The following ASAP1 variants were observed in gnomAD, a reference collection of about 807,000 sequenced individuals.
ASAP1 encodes ArfGAP with SH3 domain, ankyrin repeat and PH domain 1, also known as arf-GAP with SH3 domain, ANK repeat and PH domain-containing protein 1.
A neutral mutation model predicts 145.2 loss-of-function variants in ASAP1; 43 were observed. The observed-to-expected ratio is 0.30, with a 90% CI of 0.23 to 0.38. The LOEUF (loss-of-function observed/expected upper bound fraction) is 0.38, where lower values mean the gene tolerates loss of function less well. ASAP1 is among the 10% of genes least tolerant of loss of function. The pLI is 1.00. For missense variants in ASAP1, 1,018 were observed against 1,355.3 expected (o/e 0.75, Z 3.91); for synonymous variants, 546 against 515.5 (o/e 1.06, Z -0.80).
intron 24 of ASAP1, among the ~76,000 whole-genome samples, chr8:130,097,323 G>T (rs1238633871): frequency 6.6e-6 from 1 of 151,834 alleles, no homozygotes. Context: ...CACCTGCCCT[G>T]TTCTCCAGGG....
chr8:130,408,205 C>T (rs1312047359), intron 1 of ASAP1, among the ~76,000 whole-genome samples: 1 of 152,194 alleles, frequency 6.6e-6, no homozygotes, highest in East Asian at 1.9e-4. Context: ...GTCAACTTGA[C>T]TGGGCTAAAG....
At chr8:130,325,714 G>T (rs1824282169) in intron 3 of ASAP1, among the ~76,000 whole-genome samples, 1 of 152,146 alleles carries the variant, frequency 6.6e-6, no homozygotes, top group South Asian at 2.1e-4. Flanking sequence ...ATGCTGAAAT[G>T]CCAAGTGACT....
Position 130,214,604 on chromosome 8 carries a change from G to C in ASAP1, c.357C>G (p.Val119=), listed in dbSNP as rs1816781057. The part of the protein sequence containing the change: ...RDNPDLGTAF[V]KFSTLTKELS... ...GTTCCTTTGTAAGAGTAGAAAACTT[G>C]ACAAACGCGGTGCCAAGGTCGGGGT... Residue 119 remains valine, a synonymous_variant, in exon 5 of 30, where the codon GTC becomes GTG. Coordinates refer to ENST00000518721, the MANE Select transcript of ASAP1 (RefSeq NM_018482.4). The C allele has an allele frequency of 6.2e-7, 1 of 1,613,006 alleles. No individual in the cohort carries two copies. The highest frequency in any genetic ancestry group is 8.5e-7 in the Non-Finnish European group (1 of 1,179,556).
At chr8:130,265,410 A>G (rs1233666523) in intron 3 of ASAP1, among the ~76,000 whole-genome samples, 1 of 151,410 alleles carries the variant, frequency 6.6e-6, no homozygotes, top group African/African-American at 2.4e-5. Flanking sequence ...ATCTCAACTA[A>G]AATTTTTAAA....
At chr8:130,341,854 C>G (rs1825403410) in intron 3 of ASAP1, among the ~76,000 whole-genome samples, 1 of 152,136 alleles carries the variant, frequency 6.6e-6, no homozygotes, top group South Asian at 2.1e-4. Flanking sequence ...GGTAAAAGAG[C>G]AGCAAGAAAC....
chr8:130,244,485 A>G (rs1818729085), intron 3 of ASAP1, among the ~76,000 whole-genome samples: 1 of 152,170 alleles, frequency 6.6e-6, no homozygotes, highest in South Asian at 2.1e-4. Flanking sequence ...CTGAAAGGGT[A>G]AGTGGAGTGG....
intron 1 of ASAP1, among the ~76,000 whole-genome samples, chr8:130,404,584 C>A (rs1828942331): frequency 6.6e-6 from 1 of 152,224 alleles, no homozygotes; most frequent in Non-Finnish European, 1.5e-5. Context: ...GCCTGCTCCT[C>A]AGTTTATTAT....
intron 24 of ASAP1, among the ~76,000 whole-genome samples, chr8:130,094,249 C>G (rs1303161980): frequency 6.6e-6 from 1 of 152,128 alleles, no homozygotes; most frequent in Non-Finnish European, 1.5e-5. Context: ...CTTGCTTTGT[C>G]ATCCTGCTTG....
intron 9 of ASAP1, among the ~76,000 whole-genome samples, chr8:130,173,908 A>C (rs1292246991): frequency 1.3e-5 from 2 of 149,904 alleles, no homozygotes. Context: ...CCTTGTCTCT[A>C]CTAAAAAAAA....
At chr8:130,397,512 C>T (rs1411365753) in intron 2 of ASAP1, among the ~76,000 whole-genome samples, 2 of 152,196 alleles carry the variant, frequency 1.3e-5, no homozygotes, top group Non-Finnish European at 2.9e-5. Flanking sequence ...CCTGTGATTC[C>T]CTTGTCTTCT....
intron 27 of ASAP1, among the ~76,000 whole-genome samples, chr8:130,066,016 G>T (rs529410204): frequency 1.3e-5 from 2 of 152,098 alleles, no homozygotes; most frequent in Non-Finnish European, 2.9e-5. Flanking sequence ...ACATCTGATC[G>T]TATCAGTATT....
intron 18 of ASAP1, among the ~76,000 whole-genome samples, chr8:130,120,879 G>A (rs2097564735): frequency 6.6e-6 from 1 of 152,182 alleles, no homozygotes; most frequent in Non-Finnish European, 1.5e-5. Context: ...AATAGGGAGA[G>A]TGGAAAATAG....
intron 1 of ASAP1, among the ~76,000 whole-genome samples, chr8:130,404,971 G>A (rs576876191): frequency 6.6e-6 from 1 of 151,732 alleles, no homozygotes; most frequent in South Asian, 2.1e-4. Flanking sequence ...CCACAAGTCC[G>A]GCATGAACCA....
At chr8:130,268,161 A>G (rs1565154541) in intron 3 of ASAP1, among the ~76,000 whole-genome samples, 1 of 152,130 alleles carries the variant, frequency 6.6e-6, no homozygotes. Flanking sequence ...GAACATCTCT[A>G]TATGATGATA....
At chr8:130,128,560 C>T (rs1432375385) in intron 15 of ASAP1, among the ~76,000 whole-genome samples, 2 of 151,928 alleles carry the variant, frequency 1.3e-5, no homozygotes, top group Non-Finnish European at 2.9e-5. Context: ...TCAGTGGGGA[C>T]ACTTAACAGT....
chr8:130,099,008 T>C (rs151095364), intron 24 of ASAP1, among the ~76,000 whole-genome samples: 2,146 of 136,702 alleles, frequency 0.016, 39 homozygotes, highest in African/African-American at 0.04. Flanking sequence ...TCTACTAATA[T>C]AAGCTTTTTT....
chr8:130,086,922 A>T (rs900505633), intron 25 of ASAP1, among the ~76,000 whole-genome samples: 1 of 152,064 alleles, frequency 6.6e-6, no homozygotes, highest in Admixed American at 6.5e-5. Context: ...AAAGGTTATG[A>T]TCTCTGGCCC....
intron 3 of ASAP1, among the ~76,000 whole-genome samples, chr8:130,342,531 G>T (rs923715098): frequency 6.6e-6 from 1 of 152,124 alleles, no homozygotes; most frequent in African/African-American, 2.4e-5. Context: ...TAGGGAAGCA[G>T]AGGCCCAATA....
chr8:130,296,027 C>A (rs1456815630), intron 3 of ASAP1, among the ~76,000 whole-genome samples: 1 of 152,180 alleles, frequency 6.6e-6, no homozygotes, highest in African/African-American at 2.4e-5. Flanking sequence ...AAAAAGCCTG[C>A]CTTGCTCACC....
Sources: gnomAD v4.1 joint callset for allele counts (sites outside exome capture counted in the v4.1 genomes callset) on GRCh38, gnomAD v4.1.1 for gene constraint, MANE v1.5 for transcripts, NCBI Gene and HGNC (gene_info 2026-07-23, HGNC 2026-07-21) for gene names.